The following SPOCK1 variants were observed in gnomAD, a reference collection of about 807,000 sequenced individuals.
The protein encoded by SPOCK1 is testican-1.
Under a neutral mutation model 55.3 loss-of-function variants are expected in SPOCK1, and 23 were observed. The ratio of observed to expected loss-of-function variants is 0.42; its 90% CI spans 0.30 to 0.59. The LOEUF (loss-of-function observed/expected upper bound fraction) is 0.59. Ranked by LOEUF, SPOCK1 falls within the 20% of genes least tolerant of loss-of-function variation. The pLI is 0.22. For synonymous variants in SPOCK1, 226 were observed against 221.0 expected, an observed-to-expected ratio of 1.02 and a Z score of -0.20; for missense variants, 499 against 552.5, an observed-to-expected ratio of 0.90 and a Z score of 0.97.
In SPOCK1 at chr5:137,151,428, T is replaced by C. The variant is rs181869005; in HGVS notation, c.233-10734A>G. On this transcript the variant is annotated intron_variant, in intron 3 of 10. Transcript: ENST00000394945. ...GCCCCCGAACCTCAAAATAGGTATT[T>C]GCTCTTACTTGTCATTAGGAGCTCT... is the stretch of plus-strand genomic sequence containing the variant. Among the ~76,000 whole-genome samples the C allele has an allele frequency of 2.0e-4, 31 of 152,364 alleles. 1 individual carries two copies. In the Middle Eastern group the frequency reaches 0.02, roughly 100 times the overall value.
chr5:137,278,185 C>G (rs989978110), intron 2 of SPOCK1, among the ~76,000 whole-genome samples: 9 of 152,178 alleles, frequency 5.9e-5, no homozygotes, highest in Admixed American at 2.0e-4. Flanking sequence ...TTCACTGTGT[C>G]CCTAAGACTG....
intron 3 of SPOCK1, among the ~76,000 whole-genome samples, chr5:137,234,445 C>G (rs564801505): frequency 6.6e-6 from 1 of 152,322 alleles, no homozygotes; most frequent in East Asian, 1.9e-4. Context: ...AGCTCACCTT[C>G]TTACCACTTT....
chr5:136,978,478 A>G lies in SPOCK1; in HGVS notation c.*176T>C. 1.9e-6 allele frequency: 1 copy of G among 539,538 alleles called. No individual in the cohort carries two copies. The highest frequency in any genetic ancestry group is 3.3e-5 in the East Asian group (1 of 30,452). 33.4% of individuals were successfully genotyped at this position (539,538 alleles called of 1,614,324 possible). A position where few individuals can be genotyped will look rare whatever the true frequency, so the allele number is the denominator to read the frequency against. ...ACACAACACCCTTTCTCCCATACAA[A>G]CATATGCAAAATCAGAATCCTCTGG... On this transcript the variant is annotated 3_prime_UTR_variant, in exon 11 of 11. Coordinates refer to ENST00000394945, the MANE Select transcript of SPOCK1 (RefSeq NM_004598.4).
intron 2 of SPOCK1, among the ~76,000 whole-genome samples, chr5:137,444,572 A>G (rs1753081841): frequency 6.6e-6 from 1 of 152,202 alleles, no homozygotes; most frequent in African/African-American, 2.4e-5. Flanking sequence ...CAAGGAGATC[A>G]AAACCAAACC....
intron 2 of SPOCK1, among the ~76,000 whole-genome samples, chr5:137,334,879 T>C (rs1750209795): frequency 6.6e-6 from 1 of 152,188 alleles, no homozygotes; most frequent in South Asian, 2.1e-4. Context: ...TGGTATGATA[T>C]TTGCACTTTG....
At chr5:137,378,777 A>T (rs1294433657) in intron 2 of SPOCK1, among the ~76,000 whole-genome samples, 1 of 152,220 alleles carries the variant, frequency 6.6e-6, no homozygotes, top group Non-Finnish European at 1.5e-5. Flanking sequence ...CAACAGGATC[A>T]CTTACAGCAA....
At chr5:137,159,666 A>G (rs1002675607) in intron 3 of SPOCK1, among the ~76,000 whole-genome samples, 1 of 152,262 alleles carries the variant, frequency 6.6e-6, no homozygotes, top group East Asian at 1.9e-4. Flanking sequence ...CAAAAGGCAC[A>G]ATTTTATTCT....
At chr5:137,007,711 G>A (rs1414475270) in intron 6 of SPOCK1, among the ~76,000 whole-genome samples, 1 of 152,080 alleles carries the variant, frequency 6.6e-6, no homozygotes, top group Non-Finnish European at 1.5e-5. Context: ...TTAATTCAAT[G>A]ATTGTAGAAG....
At chr5:137,316,255 C>T (rs772868722) in intron 2 of SPOCK1, among the ~76,000 whole-genome samples, 10 of 152,208 alleles carry the variant, frequency 6.6e-5, no homozygotes, top group Non-Finnish European at 1.5e-4. Context: ...GACATGCCCT[C>T]AAATCATCTC....
intron 4 of SPOCK1, among the ~76,000 whole-genome samples, chr5:137,129,272 C>T (rs756361068): frequency 1.3e-5 from 2 of 152,218 alleles, no homozygotes; most frequent in South Asian, 4.1e-4. Context: ...TTTGCAGAGG[C>T]TGTTCCCTCC....
At chr5:137,128,980 G>T (rs1287657193) in intron 4 of SPOCK1, among the ~76,000 whole-genome samples, 1 of 152,142 alleles carries the variant, frequency 6.6e-6, no homozygotes, top group Admixed American at 6.5e-5. Context: ...TCTCTCAAGT[G>T]GTACAAAAGT....
chr5:137,245,373 T>A (rs1756374393), intron 3 of SPOCK1, among the ~76,000 whole-genome samples: 1 of 152,212 alleles, frequency 6.6e-6, no homozygotes, highest in Non-Finnish European at 1.5e-5. Flanking sequence ...TTTCTGGAAC[T>A]TTACAAGGCC....
chr5:137,119,651 G>A (rs994106836), intron 4 of SPOCK1, among the ~76,000 whole-genome samples: 1 of 152,238 alleles, frequency 6.6e-6, no homozygotes, highest in Non-Finnish European at 1.5e-5. Context: ...ACTGAAGAGA[G>A]TGACTCCTGT....
chr5:137,154,032 A>C (rs1402527661), intron 3 of SPOCK1, among the ~76,000 whole-genome samples: 1 of 152,170 alleles, frequency 6.6e-6, no homozygotes, highest in African/African-American at 2.4e-5. Context: ...TCATGCCTGT[A>C]ATCCCAGCAC....
rs968793585 is a variant in SPOCK1, at chr5:136,979,475, G to A, written c.992-6C>T. On this transcript the variant is annotated splice_polypyrimidine_tract_variant and splice_region_variant and intron_variant, in intron 9 of 10. Coordinates refer to ENST00000394945, the MANE Select transcript of SPOCK1 (RefSeq NM_004598.4). ...ACACCGAGGTATGAAGGCCCCTGGG[G>A]GAACAAAAGGTGCAACTTTAATCAG... The A allele has an allele frequency of 1.9e-6, 3 of 1,611,386 alleles. No homozygotes were observed. Among genetic ancestry groups the A allele is most frequent in the Non-Finnish European group, 2.5e-6 (3 of 1,179,270 alleles).
At chr5:136,995,029 T>A (rs917434105) in intron 6 of SPOCK1, among the ~76,000 whole-genome samples, 1 of 152,058 alleles carries the variant, frequency 6.6e-6, no homozygotes, top group African/African-American at 2.4e-5. Context: ...TTAAAAAATC[T>A]AATAGATAGT....
intron 3 of SPOCK1, among the ~76,000 whole-genome samples, chr5:137,220,391 G>T (rs1009342050): frequency 5.9e-5 from 9 of 152,188 alleles, no homozygotes; most frequent in Admixed American, 5.2e-4. Flanking sequence ...ATAGCACCTG[G>T]CTGTGAAGCC....
At chr5:137,356,114 A>T (rs1387034415) in intron 2 of SPOCK1, among the ~76,000 whole-genome samples, 8 of 152,130 alleles carry the variant, frequency 5.3e-5, no homozygotes, top group Admixed American at 3.3e-4. Flanking sequence ...GAGTCAAAGC[A>T]CACCAAGCTC....
rs183083749 is a variant in SPOCK1 at position 137,196,981 on chromosome 5, C to A, written c.233-56287G>T. Reference sequence around the variant, plus strand: ...TTCAGCAAAGAAAATAACCTAGTCACCCCGGAGCTGTTGAAGAAATCCAGG... The same window carrying A: ...TTCAGCAAAGAAAATAACCTAGTCAACCCGGAGCTGTTGAAGAAATCCAGG... On this transcript the variant is annotated intron_variant, in intron 3 of 10. Transcript: ENST00000394945. 3.5e-4 allele frequency among the ~76,000 whole-genome samples: 54 copies of A among 152,288 alleles called. No homozygotes were observed. The East Asian group carries it at 8.5e-3, about 24-fold the overall frequency.
Sources: allele counts gnomAD v4.1 joint callset (sites outside exome capture counted in the v4.1 genomes callset), GRCh38; gene constraint gnomAD v4.1.1; transcripts MANE v1.5; gene names NCBI Gene and HGNC (gene_info 2026-07-23, HGNC 2026-07-21).